Variants in SFMBT1 observed in about 807,000 individuals in gnomAD.
The protein encoded by SFMBT1 is Scm like with four mbt domains 1.
A neutral mutation model predicts 108.7 loss-of-function variants in SFMBT1; 32 were observed. The observed-to-expected ratio is 0.29, with a 90% confidence interval of 0.22 to 0.40. SFMBT1 has a LOEUF of 0.40. Among genes scored for constraint, SFMBT1 ranks in the 10% least tolerant of loss-of-function variants. The pLI is 1.00. For synonymous variants in SFMBT1, 348 were observed against 369.5 expected (o/e 0.94, Z 0.67); for missense variants, 816 against 1,059.6 (o/e 0.77, Z 3.19).
intron 1 of SFMBT1, among the ~76,000 whole-genome samples, chr3:53,009,249 C>A (rs946870294): frequency 1.3e-5 from 2 of 151,894 alleles, no homozygotes; most frequent in African/African-American, 4.8e-5. Context: ...GAGTTCAAGA[C>A]CAGCCAGGCC....
chr3:52,932,426 T>C (rs2106797552), intron 5 of SFMBT1, 118 bp from the exon 6 acceptor site: 6 of 944,538 alleles, frequency 6.4e-6, no homozygotes, highest in Non-Finnish European at 9.3e-6. Flanking sequence ...CAAAAGCCAG[T>C]GACACTAAAT....
rs542085159 is a variant in SFMBT1, at chr3:53,000,281, T to C, written c.-130-31023A>G. 1.4e-5 allele frequency among the ~76,000 whole-genome samples: 2 copies of C among 145,546 alleles called. 1 individual carries two copies. Among genetic ancestry groups the C allele is most frequent in the Non-Finnish European group, 3.1e-5 (2 of 65,348 alleles). On this transcript the variant is annotated intron_variant, in intron 1 of 20. Coordinates refer to ENST00000394752, the MANE Select transcript of SFMBT1 (RefSeq NM_016329.4). ...AAGCCACTTTTTTTTTTTTTTGCAA[T>C]GCCTTCCTCTTTGAAAGCATTAAAA...
intron 5 of SFMBT1, 130 bp from the exon 6 acceptor site, chr3:52,932,438 G>C: frequency 1.2e-6 from 1 of 837,618 alleles, no homozygotes; most frequent in East Asian, 2.7e-5. Context: ...ACACTAAATT[G>C]TCTATCATCA....
intron 4 of SFMBT1, among the ~76,000 whole-genome samples, chr3:52,939,952 T>A (rs1318419169): frequency 6.6e-6 from 1 of 152,160 alleles, no homozygotes; most frequent in African/African-American, 2.4e-5. Flanking sequence ...TTATAATTTT[T>A]TTCACTGTTT....
At chr3:52,983,738 G>A (rs1378967953) in intron 1 of SFMBT1, among the ~76,000 whole-genome samples, 1 of 152,176 alleles carries the variant, frequency 6.6e-6, no homozygotes, top group African/African-American at 2.4e-5. Flanking sequence ...CGTATTTGAG[G>A]CCACAGTGGT....
At chr3:52,931,765 G>A (rs905826501) in intron 6 of SFMBT1, among the ~76,000 whole-genome samples, 9 of 152,070 alleles carry the variant, frequency 5.9e-5, no homozygotes, top group East Asian at 1.9e-4. Context: ...GCTTGAACCC[G>A]GGAGGCGGAG....
intron 1 of SFMBT1, among the ~76,000 whole-genome samples, chr3:53,033,769 C>CAAAAAAAAA (rs538122738): frequency 1.9e-5 from 2 of 107,438 alleles, no homozygotes; most frequent in Non-Finnish European, 2.1e-5. Context: ...CCAAAAAAGA[C>CAAAAAAAAA]AAAAAAAAAA....
At chr3:52,921,350 T>G (rs1360277403) in intron 11 of SFMBT1, among the ~76,000 whole-genome samples, 1 of 152,162 alleles carries the variant, frequency 6.6e-6, no homozygotes, top group Non-Finnish European at 1.5e-5. Flanking sequence ...ACTTTTTGGT[T>G]CTATTGGGCT....
At chr3:53,023,117 G>A (rs1699370243) in intron 1 of SFMBT1, among the ~76,000 whole-genome samples, 1 of 152,126 alleles carries the variant, frequency 6.6e-6, no homozygotes, top group African/African-American at 2.4e-5. Context: ...AAAAAAAGAG[G>A]AGCAACCCGA....
chr3:52,991,220 A>G (rs1469985843), intron 1 of SFMBT1, among the ~76,000 whole-genome samples: 1 of 151,918 alleles, frequency 6.6e-6, no homozygotes, highest in African/African-American at 2.4e-5. Context: ...CACCATTCCC[A>G]TGTGCCAACA....
chr3:52,962,117 CA>C (rs1703977797), intron 2 of SFMBT1, among the ~76,000 whole-genome samples: 2 of 152,210 alleles, frequency 1.3e-5, no homozygotes. Flanking sequence ...TGACAAGCCT[CA>C]ATGGTGAGGC....
chr3:52,975,236 A>G (rs1704478287), intron 1 of SFMBT1, among the ~76,000 whole-genome samples: 1 of 152,236 alleles, frequency 6.6e-6, no homozygotes, highest in South Asian at 2.1e-4. Flanking sequence ...GAAATTGTTA[A>G]GTAAAATATA....
At chr3:52,979,560 A>G (rs1704635700) in intron 1 of SFMBT1, among the ~76,000 whole-genome samples, 1 of 152,228 alleles carries the variant, frequency 6.6e-6, no homozygotes, top group Non-Finnish European at 1.5e-5. Context: ...CATTCCACTA[A>G]TTAAAATCCG....
intron 4 of SFMBT1, 106 bp downstream of exon 4, chr3:52,943,247 T>C (rs1371590464): frequency 3.0e-6 from 4 of 1,340,016 alleles, no homozygotes; most frequent in Non-Finnish European, 3.1e-6. Context: ...CTAGAAAAGC[T>C]GGGTAAACCT....
intron 1 of SFMBT1, among the ~76,000 whole-genome samples, chr3:53,034,586 A>T (rs116221985): frequency 0.014 from 2,137 of 152,134 alleles, 37 homozygotes; most frequent in African/African-American, 0.041. Context: ...AAAAATAAAT[A>T]AATTAATTAA....
intron 9 of SFMBT1, 28 bp downstream of exon 9, chr3:52,928,163 G>T: frequency 6.3e-7 from 1 of 1,595,166 alleles, no homozygotes; most frequent in South Asian, 1.1e-5. Context: ...GCTCTCAAGT[G>T]ACAATTCAGA....
intron 17 of SFMBT1, 55 bp from the exon 18 acceptor site, chr3:52,907,788 A>C: frequency 6.7e-7 from 1 of 1,499,676 alleles, no homozygotes; most frequent in Non-Finnish European, 9.0e-7. Context: ...TGTGTACCTC[A>C]AAACCACAAG....
At chr3:52,928,896 G>A (rs936008761) in intron 8 of SFMBT1, among the ~76,000 whole-genome samples, 1 of 150,796 alleles carries the variant, frequency 6.6e-6, no homozygotes, top group Non-Finnish European at 1.5e-5. Context: ...GTAGAGACTC[G>A]GTCTCCATAT....
intron 1 of SFMBT1, among the ~76,000 whole-genome samples, chr3:52,998,472 A>G (rs56026870): frequency 0.29 from 43,197 of 150,114 alleles, 8,804 homozygotes; most frequent in Middle Eastern, 0.44. Flanking sequence ...GGCTGGGTGC[A>G]GCTTCAAGCT....
Sources: gnomAD v4.1 joint callset for allele counts (sites outside exome capture counted in the v4.1 genomes callset) on GRCh38, gnomAD v4.1.1 for gene constraint, MANE v1.5 for transcripts, NCBI Gene and HGNC (gene_info 2026-07-23, HGNC 2026-07-21) for gene names.